AGXT: variants seen among roughly 807,000 people sequenced by gnomAD.
The protein encoded by AGXT is alanine--glyoxylate aminotransferase, also known as L-alanine: glyoxylate aminotransferase 1.
In AGXT, 41 loss-of-function variants were observed where a neutral mutation model predicts 46.9. That is an observed-to-expected ratio of 0.88 (90% confidence interval 0.68 to 1.14). AGXT has a LOEUF of 1.14. AGXT is among the 50% of genes most tolerant of loss of function. AGXT has a pLI of 0.00. For missense variants in AGXT, 525 were observed against 522.7 expected, an observed-to-expected ratio of 1.00 and a Z score of -0.04; for synonymous variants, 244 against 227.9, an observed-to-expected ratio of 1.07 and a Z score of -0.64.
At chr2:240,870,043 C>A (rs2058983309) in intron 2 of AGXT, among the ~76,000 whole-genome samples, 1 of 152,198 alleles carries the variant, frequency 6.6e-6, no homozygotes, top group East Asian at 1.9e-4. Flanking sequence ...GACATCAGGG[C>A]ACGCAGGCTC....
chr2:240,873,782 C>T (rs1384243613), intron 5 of AGXT, among the ~76,000 whole-genome samples, 196 bp from the exon 6 acceptor site: 2 of 152,180 alleles, frequency 1.3e-5, no homozygotes, highest in African/African-American at 4.8e-5. Context: ...CTAAAACGCT[C>T]AGGCCTGAGG....
rs770612883 is a variant in AGXT at position 240,872,973 on chromosome 2, C to A, written c.525-6C>A. ...CTGCCCTCCATTCTGTCCCCCACCTCTCCAGGTACAAGTGCCTGCTCCTGG... is the reference window on the plus strand; with the variant it reads ...CTGCCCTCCATTCTGTCCCCCACCTATCCAGGTACAAGTGCCTGCTCCTGG... On this transcript the variant is annotated splice_polypyrimidine_tract_variant and splice_region_variant and intron_variant, in intron 4 of 10. Transcript: ENST00000307503. The A allele has an allele frequency of 1.9e-6, 3 of 1,613,844 alleles. No individual in the cohort carries two copies. The highest frequency in any genetic ancestry group is 2.5e-6 in the Non-Finnish European group (3 of 1,179,818).
intron 6 of AGXT, 111 bp from the exon 7 acceptor site, chr2:240,874,998 C>A: frequency 1.0e-6 from 1 of 986,354 alleles, no homozygotes; most frequent in Non-Finnish European, 1.6e-6. Flanking sequence ...GGCGGGCCCT[C>A]CTGGGGGCCC....
rs2106430921 is a variant in AGXT, at chr2:240,875,992, C to T, written c.834C>T (p.Leu278=). The change falls in exon 8 of 11, where the codon CTC becomes CTT. Residue 278 remains leucine (L), a synonymous_variant. Coordinates refer to ENST00000307503, the MANE Select transcript of AGXT (RefSeq NM_000030.3). ...SLYSLRESLA[L]IAEQGLENSW... ...ACAGCCTGAGAGAGAGCCTGGCCCT[C>T]ATTGCGGAACAGGTGCATGGGCTGC... The T allele has an allele frequency of 6.2e-7, 1 of 1,614,184 alleles. No homozygotes were observed. The highest frequency in any genetic ancestry group is 8.5e-7 in the Non-Finnish European group (1 of 1,180,012).
chr2:240,870,690 A>G lies in AGXT; in HGVS notation c.405A>G (p.Thr135=). The change falls in exon 3 of 11, where the codon ACA becomes ACG. Residue 135 remains threonine, a synonymous_variant. Coordinates refer to ENST00000307503, the MANE Select transcript of AGXT (RefSeq NM_000030.3). ...PMTKDPGGHY[T]LQEVEEGLAQ... is the part of the protein sequence containing the mutation. ...CCAAGGACCCTGGAGGCCACTACAC[A>G]CTGCAGGAGGTGGAGGAGGTAGGGG... is the stretch of plus-strand genomic sequence containing the variant. 6.4e-7 allele frequency: 1 copy of G among 1,554,232 alleles called. No individual in the cohort carries two copies.
In AGXT at chr2:240,868,959, A is replaced by G; in HGVS notation, c.94A>G (p.Asn32Asp). ...NQLLLGPGPS[N>D]LPPRIMAAGG... The stretch of plus-strand genomic sequence containing the variant: ...GCTCCTGCTGGGGCCTGGTCCTTCC[A>G]ACCTGCCTCCTCGCATCATGGCAGC... The change falls in exon 1 of 11, where the codon AAC becomes GAC. Residue 32 changes from asparagine (N) to aspartate (D), a missense_variant. By Grantham distance (23) the Asn-to-Asp change is conservative (BLOSUM62 1). Coordinates refer to ENST00000307503, the MANE Select transcript of AGXT (RefSeq NM_000030.3). 6.2e-7 allele frequency: 1 copy of G among 1,611,402 alleles called. No homozygotes were observed. Among genetic ancestry groups the G allele is most frequent in the South Asian group, 1.1e-5 (1 of 90,916 alleles).
At position 240,879,298 on chromosome 2, in the gene AGXT, A is replaced by C. The variant is rs1313512995; in HGVS notation, c.*477A>C. The C allele has an allele frequency of 4.7e-6, 1 of 212,442 alleles. No individual in the cohort carries two copies. Among genetic ancestry groups the C allele is most frequent in the East Asian group, 1.4e-4 (1 of 7,214 alleles). The allele number at this position is 212,442 out of a possible 1,614,324, so 13.2% of individuals were successfully genotyped here. A position where few individuals can be genotyped will look rare whatever the true frequency, so the allele number is the denominator to read the frequency against. On this transcript the variant is annotated 3_prime_UTR_variant, in exon 11 of 11. Coordinates refer to ENST00000307503, the MANE Select transcript of AGXT (RefSeq NM_000030.3). ...GTCACACCCCCAAACGTCCTCACGC[A>C]CCACATCCAGGTGAACCCACACGGC... is the stretch of plus-strand genomic sequence containing the variant.
At position 240,879,801 on chromosome 2, in the gene AGXT, T is replaced by G. The variant is rs2106432859; in HGVS notation, c.*980T>G. On this transcript the variant is annotated 3_prime_UTR_variant, in exon 11 of 11. Transcript: ENST00000307503. The stretch of plus-strand genomic sequence containing the variant: ...CTGGGATTACAAGCGTGAGCCACTG[T>G]GCCCAGCCATAGTTGAATTTCATGG... The G allele has an allele frequency of 6.6e-6, 1 of 152,372 alleles. No homozygotes were observed. The highest frequency in any genetic ancestry group is 1.5e-5 in the Non-Finnish European group (1 of 68,076). 9.4% of individuals were successfully genotyped at this position (152,372 alleles called of 1,614,324 possible). A position where few individuals can be genotyped will look rare whatever the true frequency, so the allele number is the denominator to read the frequency against.
Position 240,874,477 on chromosome 2 carries a change from G to A in AGXT, c.680+415G>A, listed in dbSNP as rs557050089. Among the ~76,000 whole-genome samples, 5 of 152,354 alleles carry A rather than the reference G, an allele frequency of 3.3e-5. No individual in the cohort carries two copies. In the East Asian group the frequency reaches 5.8e-4, roughly 18 times the overall value. Reference sequence around the variant, plus strand: ...CCCGCTCCTGGTGTCCAGATTCTGAGCCAGGCCGGGCAGGGGGTAGGGGAA... The same window carrying A: ...CCCGCTCCTGGTGTCCAGATTCTGAACCAGGCCGGGCAGGGGGTAGGGGAA... On this transcript the variant is annotated intron_variant, in intron 6 of 10. Coordinates refer to ENST00000307503, the MANE Select transcript of AGXT (RefSeq NM_000030.3).
intron 4 of AGXT, 143 bp from the exon 5 acceptor site, chr2:240,872,836 G>A (rs1400433239): frequency 9.6e-6 from 7 of 727,890 alleles, no homozygotes; most frequent in Non-Finnish European, 1.7e-5. Context: ...GAAGGCAACT[G>A]GCCAACTCCT....
rs1256789589 is a variant in AGXT, at chr2:240,879,432, C to T, written c.*611C>T. 1.3e-5 allele frequency: 2 copies of T among 155,144 alleles called. No individual in the cohort carries two copies. The highest frequency in any genetic ancestry group is 4.8e-5 in the African/African-American group (2 of 41,484). 9.6% of individuals were successfully genotyped at this position (155,144 alleles called of 1,614,324 possible). A position where few individuals can be genotyped will look rare whatever the true frequency, so the allele number is the denominator to read the frequency against. ...ACGTGGAAGCCTCCAATGGAAGGTC[C>T]CCTATGCTCCCATCCAGCCAGTGCC... On this transcript the variant is annotated 3_prime_UTR_variant, in exon 11 of 11. Transcript: ENST00000307503.
At chr2:240,875,799 A>C (rs2059021579) in intron 7 of AGXT, 136 bp from the exon 8 acceptor site, 34 of 968,092 alleles carry the variant, frequency 3.5e-5, no homozygotes, top group Non-Finnish European at 5.0e-5. Context: ...CTGAACCCGG[A>C]CAGGACTCCT....
chr2:240,874,163 C>T, intron 6 of AGXT, 101 bp downstream of exon 6: 2 of 1,138,670 alleles, frequency 1.8e-6, no homozygotes, highest in Non-Finnish European at 1.3e-6. Flanking sequence ...GAAGGGCTCC[C>T]CATGCTCCTC....
At chr2:240,870,755 G>C in intron 3 of AGXT, 47 bp downstream of exon 3, 1 of 1,531,596 alleles carries the variant, frequency 6.5e-7, no homozygotes. Context: ...GGTGGGAGTG[G>C]GCATGCTGGC....
chr2:240,876,451 A>G (rs2059025239), intron 8 of AGXT, among the ~76,000 whole-genome samples: 2 of 152,012 alleles, frequency 1.3e-5, no homozygotes, highest in African/African-American at 4.8e-5. Context: ...TGATTTGGCC[A>G]CTGCAACATC....
At chr2:240,872,081 T>C (rs990121740) in intron 4 of AGXT, among the ~76,000 whole-genome samples, 1 of 152,248 alleles carries the variant, frequency 6.6e-6, no homozygotes, top group African/African-American at 2.4e-5. Flanking sequence ...CATCCCCACC[T>C]GCGGCCAGCA....
At chr2:240,876,351 G>T (rs777832419) in intron 8 of AGXT, among the ~76,000 whole-genome samples, 1 of 152,226 alleles carries the variant, frequency 6.6e-6, no homozygotes, top group African/African-American at 2.4e-5. Context: ...GGGCGTGGAT[G>T]TAAAGTGAGG....
At chr2:240,870,783 T>G (rs946054636) in intron 3 of AGXT, 75 bp downstream of exon 3, 1 of 1,427,844 alleles carries the variant, frequency 7.0e-7, no homozygotes, top group South Asian at 1.2e-5. Flanking sequence ...CTGCCTGGAA[T>G]TGGCCAGCCA....
Position 240,869,156 on chromosome 2 carries a change from C to T in AGXT, c.166-14C>T, listed in dbSNP as rs180177176. The T allele has an allele frequency of 4.3e-3, 6,246 of 1,439,122 alleles. 26 individuals are homozygous for T. The highest frequency in any genetic ancestry group is 5.2e-3 in the Non-Finnish European group (5,549 of 1,065,018). 89.1% of individuals were successfully genotyped at this position (1,439,122 alleles called of 1,614,324 possible). On this transcript the variant is annotated splice_polypyrimidine_tract_variant and intron_variant, in intron 1 of 10. Transcript: ENST00000307503. Reference sequence around the variant, plus strand: ...CGGGGAGCCTGGGTCTCACCCTATACCACCCGCATGCAGATCATGGACGAG... The same window carrying T: ...CGGGGAGCCTGGGTCTCACCCTATATCACCCGCATGCAGATCATGGACGAG...
Sources: gnomAD v4.1 joint callset for allele counts (sites outside exome capture counted in the v4.1 genomes callset) on GRCh38, gnomAD v4.1.1 for gene constraint, MANE v1.5 for transcripts, NCBI Gene and HGNC (gene_info 2026-07-23, HGNC 2026-07-21) for gene names.